NUP188: variants seen among roughly 807,000 people sequenced by gnomAD.
The protein encoded by NUP188 is nucleoporin 188, also known as nucleoporin NUP188.
NUP188 carries 97 observed loss-of-function variants against 223.0 expected under a neutral mutation model. The observed-to-expected ratio is 0.43, with a 90% confidence interval of 0.37 to 0.51. The LOEUF (loss-of-function observed/expected upper bound fraction) is 0.51. Among genes scored for constraint, NUP188 ranks in the 20% least tolerant of loss-of-function variants. NUP188 has a pLI of 0.00. For missense variants in NUP188, 1,947 were observed against 2,175.6 expected, an observed-to-expected ratio of 0.89 and a Z score of 2.09; for synonymous variants, 869 against 828.0, an observed-to-expected ratio of 1.05 and a Z score of -0.85.
At chr9:128,989,033 G>A (rs962527604) in intron 24 of NUP188, among the ~76,000 whole-genome samples, 2 of 152,026 alleles carry the variant, frequency 1.3e-5, no homozygotes, top group African/African-American at 2.4e-5. Flanking sequence ...GGGATTACAG[G>A]CATGAGCCAC....
intron 12 of NUP188, among the ~76,000 whole-genome samples, chr9:128,976,492 G>A (rs373985940): frequency 3.9e-5 from 6 of 152,126 alleles, no homozygotes; most frequent in African/African-American, 1.4e-4. Context: ...CCAACATGGT[G>A]AAACCCCATC....
intron 8 of NUP188, 90 bp from the exon 9 acceptor site, chr9:128,968,416 A>G: frequency 2.1e-6 from 2 of 975,188 alleles, no homozygotes; most frequent in Admixed American, 2.1e-5. Context: ...TGGGTGACAG[A>G]TTGAGACCCT....
chr9:128,966,262 GTGTGTGTGTGTGTGTGTGTGTGTGTT>G (rs561467793), intron 8 of NUP188, among the ~76,000 whole-genome samples: 158 of 62,494 alleles, frequency 2.5e-3, no homozygotes, highest in Admixed American at 0.01. Context: ...CTCTGTGTCT[GTGTGTGTGTGTGTGTGTGTGTGTGTT>G]TGTGTGTGTG....
At position 128,986,828 on chromosome 9, in the gene NUP188, G is replaced by T; in HGVS notation, c.2217G>T (p.Leu739=). 6.2e-7 allele frequency: 1 copy of T among 1,614,116 alleles called. No homozygotes were observed. Residue 739 remains leucine (L), a synonymous_variant, in exon 22 of 44, where the codon CTG becomes CTT. Transcript: ENST00000372577. ...GTCCAGGTTGCCTGATCTTGGAGCT[G>T]ATTCATGCGATACTGAACCTGTGCC... The part of the protein sequence containing the change: ...REQIGCLILE[L]IHAILNLCHE...
chr9:128,998,123 G>C, intron 30 of NUP188, 28 bp from the exon 31 acceptor site: 1 of 1,594,142 alleles, frequency 6.3e-7, no homozygotes, highest in African/African-American at 1.3e-5. Flanking sequence ...AATTTTCCCA[G>C]CTGAAACCTT....
At chr9:128,950,337 A>G (rs761374752) in intron 2 of NUP188, among the ~76,000 whole-genome samples, 1 of 152,064 alleles carries the variant, frequency 6.6e-6, no homozygotes, top group South Asian at 2.1e-4. Flanking sequence ...TTCCTGCCTT[A>G]GCCTCTCAAG....
At chr9:128,951,175 G>T (rs1387399371) in intron 2 of NUP188, among the ~76,000 whole-genome samples, 5 of 152,096 alleles carry the variant, frequency 3.3e-5, no homozygotes, top group Non-Finnish European at 7.4e-5. Flanking sequence ...CGGTGTGGTG[G>T]TGCATGCCTG....
chr9:128,983,246 G>T (rs757220189), intron 17 of NUP188, 47 bp from the exon 18 acceptor site: 1 of 1,535,384 alleles, frequency 6.5e-7, no homozygotes, highest in South Asian at 1.1e-5. Flanking sequence ...GAGGGAACCA[G>T]TTGTATTATT....
At chr9:128,964,015 C>T (rs149294780) in intron 8 of NUP188, among the ~76,000 whole-genome samples, 18 of 151,992 alleles carry the variant, frequency 1.2e-4, no homozygotes, top group Admixed American at 9.8e-4. Context: ...AGGGTTTCAC[C>T]GTGTTAGCCA....
intron 12 of NUP188, among the ~76,000 whole-genome samples, chr9:128,978,333 G>A (rs1021435340): frequency 1.3e-5 from 2 of 152,024 alleles, no homozygotes; most frequent in African/African-American, 4.8e-5. Flanking sequence ...GGAGGCTGAG[G>A]CGGGCGGATC....
At chr9:128,948,510 G>C (rs891942318) in intron 1 of NUP188, 1 of 151,978 alleles carries the variant, frequency 6.6e-6, no homozygotes, top group African/African-American at 2.4e-5. Flanking sequence ...AGATGACTCA[G>C]AAGTCCGGCT....
Position 128,956,948 on chromosome 9 carries a change from T to G in NUP188, c.247-4T>G. 1.2e-6 allele frequency: 2 copies of G among 1,605,674 alleles called. No individual in the cohort carries two copies. Among genetic ancestry groups the G allele is most frequent in the Non-Finnish European group, 1.7e-6 (2 of 1,175,310 alleles). ...GTTCCTTACTTAAAATCTCTGTGTT[T>G]CAGGGTCTTGATGAAGAACAGAGTG... On this transcript the variant is annotated splice_region_variant and splice_polypyrimidine_tract_variant and intron_variant, in intron 4 of 43. Coordinates refer to ENST00000372577, the MANE Select transcript of NUP188 (RefSeq NM_015354.3).
chr9:129,005,805 C>T (rs1250234925), intron 41 of NUP188, 29 bp downstream of exon 41: 14 of 1,555,856 alleles, frequency 9.0e-6, no homozygotes, highest in African/African-American at 6.9e-5. Flanking sequence ...ACACTGTCCT[C>T]TCCCCCCGGC....
intron 32 of NUP188, among the ~76,000 whole-genome samples, chr9:128,998,853 ATTC>A (rs976879035): frequency 7.9e-6 from 1 of 127,092 alleles, no homozygotes; most frequent in African/African-American, 2.8e-5. Flanking sequence ...CCCACCCCGT[ATTC>A]TTTTTTTTTT....
At chr9:128,999,080 T>G (rs541046472) in intron 32 of NUP188, 92 bp from the exon 33 acceptor site, 1 of 998,234 alleles carries the variant, frequency 1.0e-6, no homozygotes, top group Admixed American at 1.9e-5. Flanking sequence ...CTCGAACTCC[T>G]GACCTCAGGT....
At position 128,955,482 on chromosome 9, in the gene NUP188, T is replaced by A. The variant is rs964824404; in HGVS notation, c.162-868T>A. On this transcript the variant is annotated intron_variant, in intron 3 of 43. Coordinates refer to ENST00000372577, the MANE Select transcript of NUP188 (RefSeq NM_015354.3). ...CCATTGTTCTGGCCCCTCCCTATCCTATTTATTTATTCATTAGTTTATATC... is the reference window on the plus strand; with the variant it reads ...CCATTGTTCTGGCCCCTCCCTATCCAATTTATTTATTCATTAGTTTATATC... Among the ~76,000 whole-genome samples the A allele has an allele frequency of 2.0e-5, 3 of 152,186 alleles. No homozygotes were observed. In the East Asian group the frequency reaches 5.8e-4, roughly 29 times the overall value.
chr9:128,967,230 G>A (rs1341196172), intron 8 of NUP188, among the ~76,000 whole-genome samples: 3 of 152,108 alleles, frequency 2.0e-5, no homozygotes, highest in Non-Finnish European at 2.9e-5. Flanking sequence ...GACTAGTCTT[G>A]AACTCCAGGC....
intron 32 of NUP188, 29 bp from the exon 33 acceptor site, chr9:128,999,143 A>T: frequency 6.2e-7 from 1 of 1,608,782 alleles, no homozygotes; most frequent in Non-Finnish European, 8.5e-7. Flanking sequence ...ATGAGCCACC[A>T]CGCCTGGCCC....
At chr9:128,949,785 C>A (rs1221951582) in intron 2 of NUP188, among the ~76,000 whole-genome samples, 1 of 152,212 alleles carries the variant, frequency 6.6e-6, no homozygotes, top group Admixed American at 6.6e-5. Flanking sequence ...CATGCCACCA[C>A]ACCTGGCTAA....
Sources: allele counts gnomAD v4.1 joint callset (sites outside exome capture counted in the v4.1 genomes callset), GRCh38; gene constraint gnomAD v4.1.1; transcripts MANE v1.5; gene names NCBI Gene and HGNC (gene_info 2026-07-23, HGNC 2026-07-21).